The following RMC1 variants were observed in gnomAD, a reference collection of about 807,000 sequenced individuals.
RMC1 encodes the protein regulator of MON1-CCZ1, also known as regulator of MON1-CCZ1 complex.
In RMC1, 44 loss-of-function variants were observed where a neutral mutation model predicts 95.5. That is an observed-to-expected ratio of 0.46 (90% CI 0.36 to 0.59). The LOEUF is 0.59. RMC1 is among the 20% of genes least tolerant of loss of function. The pLI, the probability that RMC1 is intolerant of heterozygous loss-of-function variation, is 0.00. For synonymous variants in RMC1, 320 were observed against 303.6 expected (o/e 1.05, Z -0.56); for missense variants, 705 against 819.6 (o/e 0.86, Z 1.71).
At chr18:23,510,939 C>G (rs1171351813) in intron 5 of RMC1, among the ~76,000 whole-genome samples, 7 of 152,146 alleles carry the variant, frequency 4.6e-5, no homozygotes, top group Non-Finnish European at 1.0e-4. Flanking sequence ...GAGCTAAAAG[C>G]AGAACTACTG....
chr18:23,507,584 T>C (rs1270392516), intron 3 of RMC1, among the ~76,000 whole-genome samples: 1 of 152,212 alleles, frequency 6.6e-6, no homozygotes, highest in East Asian at 1.9e-4. Flanking sequence ...ATGTTCACCA[T>C]TGCCGTTTGT....
intron 12 of RMC1, 34 bp from the exon 13 acceptor site, chr18:23,526,603 C>A: frequency 6.2e-7 from 1 of 1,609,556 alleles, no homozygotes; most frequent in Non-Finnish European, 8.5e-7. Context: ...CGGTTTGCAT[C>A]ATACTGTTTT....
chr18:23,530,191 A>C, intron 17 of RMC1, 38 bp from the exon 18 acceptor site: 1 of 1,613,664 alleles, frequency 6.2e-7, no homozygotes, highest in Non-Finnish European at 8.5e-7. Context: ...TTTAACCGTT[A>C]TCTTTCCAAC....
intron 11 of RMC1, 100 bp from the exon 12 acceptor site, chr18:23,524,329 G>A (rs1030061975): frequency 7.0e-5 from 105 of 1,500,288 alleles, no homozygotes; most frequent in South Asian, 1.8e-4. Context: ...CGCGTTTAGC[G>A]TGGACTCAGT....
chr18:23,503,849 C>A, intron 1 of RMC1, 129 bp downstream of exon 1: 2 of 759,260 alleles, frequency 2.6e-6, no homozygotes, highest in East Asian at 3.6e-5. Flanking sequence ...GCGCGGGAGG[C>A]GGCGCGCGCT....
chr18:23,512,232 G>C (rs1429412132), intron 5 of RMC1, among the ~76,000 whole-genome samples: 2 of 152,004 alleles, frequency 1.3e-5, no homozygotes, highest in Non-Finnish European at 2.9e-5. Flanking sequence ...TGTTGGCCAG[G>C]CTGGTCTTGA....
chr18:23,514,518 C>T (rs1436694488), intron 5 of RMC1, among the ~76,000 whole-genome samples: 31 of 151,702 alleles, frequency 2.0e-4, no homozygotes, highest in Non-Finnish European at 1.5e-5. Flanking sequence ...GATTGTGCCA[C>T]TGCACTCCAG....
intron 5 of RMC1, among the ~76,000 whole-genome samples, chr18:23,515,355 C>T (rs1419694843): frequency 6.6e-6 from 1 of 152,144 alleles, no homozygotes; most frequent in Non-Finnish European, 1.5e-5. Flanking sequence ...ATGCCTGCCT[C>T]TCAGTCGTGG....
intron 10 of RMC1, 68 bp from the exon 11 acceptor site, chr18:23,524,062 G>A (rs2058223014): frequency 2.0e-6 from 3 of 1,487,186 alleles, no homozygotes; most frequent in South Asian, 1.1e-5. Flanking sequence ...TGACTTTTGT[G>A]TCATAAGTAC....
intron 5 of RMC1, among the ~76,000 whole-genome samples, chr18:23,513,330 T>G (rs990028498): frequency 6.6e-6 from 1 of 152,256 alleles, no homozygotes; most frequent in African/African-American, 2.4e-5. Context: ...TTATTTCATC[T>G]ACCATAATTT....
intron 5 of RMC1, among the ~76,000 whole-genome samples, chr18:23,512,208 G>T (rs796639869): frequency 6.6e-6 from 1 of 151,600 alleles, no homozygotes; most frequent in East Asian, 1.9e-4. Context: ...TTTAGAAGAG[G>T]TGGGGTTTCA....
At chr18:23,512,820 T>C (rs144172439) in intron 5 of RMC1, among the ~76,000 whole-genome samples, 158 of 152,350 alleles carry the variant, frequency 1.0e-3, no homozygotes, top group African/African-American at 3.6e-3. Context: ...GTGTTAAGTA[T>C]ATTCATTCAC....
At chr18:23,507,120 G>A (rs766515305) in intron 3 of RMC1, 66 bp downstream of exon 3, 28 of 1,160,040 alleles carry the variant, frequency 2.4e-5, no homozygotes, top group African/African-American at 9.4e-5. Flanking sequence ...AGAAGGAATC[G>A]CAAATTTTCA....
At chr18:23,507,587 C>T (rs1366615472) in intron 3 of RMC1, among the ~76,000 whole-genome samples, 2 of 152,082 alleles carry the variant, frequency 1.3e-5, no homozygotes, top group Non-Finnish European at 2.9e-5. Context: ...TTCACCATTG[C>T]CGTTTGTAGA....
intron 9 of RMC1, among the ~76,000 whole-genome samples, chr18:23,519,722 C>T (rs766810377): frequency 3.3e-5 from 5 of 152,052 alleles, no homozygotes; most frequent in Non-Finnish European, 7.4e-5. Flanking sequence ...GGTGGGAATC[C>T]GCTCCATTCC....
In RMC1 at chr18:23,508,001, T is replaced by C. The variant is rs1183541340; in HGVS notation, c.281T>C (p.Ile94Thr). ...TCCTTTCAGGATTTTTGTAATTTTA[T>C]CCCTGATAATTCCCAGCTGGAATAC... is the stretch of plus-strand genomic sequence containing the variant. ...TSKTVDFCNF[I>T]PDNSQLEYTQ... The change falls in exon 4 of 20, where the codon ATC (isoleucine) becomes ACC (threonine). Residue 94 changes from isoleucine to threonine, a missense_variant. By Grantham distance (89) the Ile-to-Thr change is moderately conservative. Transcript: ENST00000269221. The C allele has an allele frequency of 3.1e-6, 5 of 1,611,312 alleles. No homozygotes were observed. Among genetic ancestry groups the C allele is most frequent in the Non-Finnish European group, 4.2e-6 (5 of 1,178,938 alleles).
Position 23,519,165 on chromosome 18 carries a change from G to C in RMC1, c.840G>C (p.Gln280His). 6.2e-7 allele frequency: 1 copy of C among 1,613,718 alleles called. No individual in the cohort carries two copies. The highest frequency in any genetic ancestry group is 8.5e-7 in the Non-Finnish European group (1 of 1,179,698). Residue 280 changes from glutamine (Q) to histidine (H), a missense_variant, in exon 9 of 20, where the codon CAG becomes CAC. Gln to His is a conservative substitution (Grantham distance 24, BLOSUM62 0). Coordinates refer to ENST00000269221, the MANE Select transcript of RMC1 (RefSeq NM_013326.5). ...ACAACCTGGTAGTCGTGCATCATCA[G>C]GATACAGAGGTACAAGCTGTCTGCG... Reference protein sequence around the residue: ...VVDNLVVVHHQDTETSVIFDI... With the variant: ...VVDNLVVVHHHDTETSVIFDI...
intron 12 of RMC1, among the ~76,000 whole-genome samples, chr18:23,525,715 AG>A (rs1206249087): frequency 6.6e-6 from 1 of 151,466 alleles, no homozygotes; most frequent in Non-Finnish European, 1.5e-5. Flanking sequence ...GAGCCACCAC[AG>A]CCGGCCTATA....
Position 23,524,189 on chromosome 18 carries a change from G to A in RMC1, c.1006+15G>A. On this transcript the variant is annotated intron_variant, in intron 11 of 19. Coordinates refer to ENST00000269221, the MANE Select transcript of RMC1 (RefSeq NM_013326.5). ...ATGTAAACTCTGTATCCTTTACTAA[G>A]GTGTGGCACCGTGCACAACAGGGCA... 1 of 1,613,066 alleles carries A rather than the reference G, an allele frequency of 6.2e-7. No homozygotes were observed. The highest frequency in any genetic ancestry group is 8.5e-7 in the Non-Finnish European group (1 of 1,179,934).
Sources: allele counts gnomAD v4.1 joint callset (sites outside exome capture counted in the v4.1 genomes callset), GRCh38; gene constraint gnomAD v4.1.1; transcripts MANE v1.5; gene names NCBI Gene and HGNC (gene_info 2026-07-23, HGNC 2026-07-21).